The following STUM variants were observed in gnomAD, a reference collection of about 807,000 sequenced individuals.
The protein encoded by STUM is protein stum homolog.
In STUM, 8 loss-of-function variants were observed where a neutral mutation model predicts 15.3. The ratio of observed to expected loss-of-function variants is 0.52; its 90% CI spans 0.31 to 0.94. The LOEUF (loss-of-function observed/expected upper bound fraction) is 0.94, where lower values mean the gene tolerates loss of function less well. Ranked by LOEUF, STUM falls within the 40% of genes least tolerant of loss-of-function variation. The probability of loss-of-function intolerance (pLI) is 0.05; values close to 1 mark genes in which losing one functional copy is unlikely to be tolerated. For synonymous variants in STUM, 78 were observed against 88.7 expected, an observed-to-expected ratio of 0.88 and a Z score of 0.68; for missense variants, 142 against 204.9, an observed-to-expected ratio of 0.69 and a Z score of 1.87.
At chr1:226,562,059 TG>T (rs34975134) in intron 1 of STUM, among the ~76,000 whole-genome samples, 22,536 of 150,026 alleles carry the variant, frequency 0.15, 2,073 homozygotes, top group African/African-American at 0.26. Flanking sequence ...AGCTTTCTTT[TG>T]GGGGTGATGA....
At chr1:226,584,059 T>C (rs113846549) in intron 1 of STUM, among the ~76,000 whole-genome samples, 74 of 152,226 alleles carry the variant, frequency 4.9e-4, no homozygotes, top group African/African-American at 1.2e-3. Context: ...GGGATTTAGA[T>C]AGGACACATT....
rs1029104717 is a variant in STUM, at chr1:226,608,830, C to G, written c.*6790C>G. On this transcript the variant is annotated 3_prime_UTR_variant, in exon 4 of 4. Coordinates refer to ENST00000366788, the MANE Select transcript of STUM (RefSeq NM_001003665.4). This position sits in a 1 kb window ranked among gnomAD's most constrained non-coding sequence, Gnocchi z 4.0. Reference sequence around the variant, plus strand: ...GCCTGGGGCCCCAGCCCGCCTGCAGCTCAGCTTTCCCCAACACCCTCAGGA... The same window carrying G: ...GCCTGGGGCCCCAGCCCGCCTGCAGGTCAGCTTTCCCCAACACCCTCAGGA... The G allele has an allele frequency of 6.6e-6, 1 of 152,394 alleles. No individual in the cohort carries two copies. The highest frequency in any genetic ancestry group is 1.5e-5 in the Non-Finnish European group (1 of 68,180). 9.4% of individuals were successfully genotyped at this position (152,394 alleles called of 1,614,324 possible).
chr1:226,562,753 G>A (rs1249416203), intron 1 of STUM, among the ~76,000 whole-genome samples: 2 of 152,158 alleles, frequency 1.3e-5, no homozygotes, highest in Non-Finnish European at 2.9e-5. Flanking sequence ...ACACATGACA[G>A]CTGTATACAA....
chr1:226,561,987 G>A (rs1667548859), intron 1 of STUM, among the ~76,000 whole-genome samples: 1 of 149,104 alleles, frequency 6.7e-6, no homozygotes, highest in Non-Finnish European at 1.5e-5. Flanking sequence ...AATCTGTAGA[G>A]ACAGTATGTC....
chr1:226,597,388 C>T (rs2102712261), intron 2 of STUM: 1 of 475,248 alleles, frequency 2.1e-6, no homozygotes, highest in East Asian at 6.9e-5. Context: ...ATACCACCAT[C>T]CACGTTCCCT....
At chr1:226,592,775 T>C (rs2102709023) in intron 1 of STUM, among the ~76,000 whole-genome samples, 1 of 152,330 alleles carries the variant, frequency 6.6e-6, no homozygotes, top group South Asian at 2.1e-4. Context: ...TTCCTAATAG[T>C]CCCTAAGTCC....
At chr1:226,574,402 C>G (rs1376455512) in intron 1 of STUM, among the ~76,000 whole-genome samples, 1 of 152,228 alleles carries the variant, frequency 6.6e-6, no homozygotes, top group Non-Finnish European at 1.5e-5. Context: ...CACGTTGTTG[C>G]AAATGACAGT....
chr1:226,551,456 G>A (rs1322570485), intron 1 of STUM, among the ~76,000 whole-genome samples: 1 of 152,226 alleles, frequency 6.6e-6, no homozygotes, highest in Non-Finnish European at 1.5e-5. Flanking sequence ...AGGCAACAAA[G>A]CAGCTCAGAC....
intron 1 of STUM, among the ~76,000 whole-genome samples, chr1:226,580,265 A>G (rs1314923059): frequency 1.3e-5 from 2 of 152,190 alleles, no homozygotes; most frequent in East Asian, 1.9e-4. Context: ...GTGCAGGGAC[A>G]GGTCAGGAAT....
rs1466569854 is a variant in STUM, at chr1:226,549,565, C to A, written c.202+459C>A. On this transcript the variant is annotated intron_variant, in intron 1 of 3. Transcript: ENST00000366788. This position sits in a 1 kb window ranked among gnomAD's most constrained non-coding sequence, Gnocchi z 6.8. ...CTCCCGGGCGTCGAAGTCAGCTGAG[C>A]CGGGGAAAGAGGACGAGCCGGGCTA... Among the ~76,000 whole-genome samples, 1 of 152,158 alleles carries A rather than the reference C, an allele frequency of 6.6e-6. No homozygotes were observed. Among genetic ancestry groups the A allele is most frequent in the Non-Finnish European group, 1.5e-5 (1 of 68,028 alleles).
At chr1:226,592,150 C>T (rs190045824) in intron 1 of STUM, among the ~76,000 whole-genome samples, 9 of 152,292 alleles carry the variant, frequency 5.9e-5, no homozygotes, top group East Asian at 3.9e-4. Context: ...CGGCTTCAAA[C>T]GATTCTTCTG....
At chr1:226,579,013 G>A (rs971616640) in intron 1 of STUM, among the ~76,000 whole-genome samples, 2 of 152,204 alleles carry the variant, frequency 1.3e-5, no homozygotes, top group African/African-American at 4.8e-5. Flanking sequence ...TCCTTTTCCA[G>A]TGGGGCCCAT....
rs183080541 is a variant in STUM at position 226,591,128 on chromosome 1, A to C, written c.203-5674A>C. The stretch of plus-strand genomic sequence containing the variant: ...ACAATTAACACCTCTTCGTAGGAAA[A>C]TGTGCTAAAACCATTTTTTAAATTT... On this transcript the variant is annotated intron_variant, in intron 1 of 3. Transcript: ENST00000366788. 4.9e-3 allele frequency among the ~76,000 whole-genome samples: 754 copies of C among 152,360 alleles called. 5 individuals are homozygous for C. Among genetic ancestry groups the C allele is most frequent in the Middle Eastern group, 0.01 (3 of 294 alleles).
Position 226,565,734 on chromosome 1 carries a change from G to A in STUM, c.202+16628G>A, listed in dbSNP as rs540951125. On this transcript the variant is annotated intron_variant, in intron 1 of 3. Transcript: ENST00000366788. The surrounding 1 kb of genome is among the most constrained non-coding windows in gnomAD (Gnocchi z 4.4). ...CCCCATCCTCCCGTCTCTCGCCCAC[G>A]CTTGGCTCAGAGATCTCTGGGCTGC... Among the ~76,000 whole-genome samples, 1 of 152,248 alleles carries A rather than the reference G, an allele frequency of 6.6e-6. No individual in the cohort carries two copies. The highest frequency in any genetic ancestry group is 2.1e-4 in the South Asian group (1 of 4,818).
chr1:226,592,240 G>C (rs891534526), intron 1 of STUM, among the ~76,000 whole-genome samples: 1 of 152,160 alleles, frequency 6.6e-6, no homozygotes, highest in Non-Finnish European at 1.5e-5. Context: ...TAGAGACAGG[G>C]TTTCATCATG....
At position 226,552,958 on chromosome 1, in the gene STUM, C is replaced by G. The variant is rs1667393683; in HGVS notation, c.202+3852C>G. On this transcript the variant is annotated intron_variant, in intron 1 of 3. Transcript: ENST00000366788. This position sits in a 1 kb window ranked among gnomAD's most constrained non-coding sequence, Gnocchi z 4.7. ...AATACATATAGACTAGAATTATACT[C>G]CTGGAATAGGCATTAGAGATCATCT... Among the ~76,000 whole-genome samples, 1 of 152,164 alleles carries G rather than the reference C, an allele frequency of 6.6e-6. No homozygotes were observed. The highest frequency in any genetic ancestry group is 2.4e-5 in the African/African-American group (1 of 41,436).
Position 226,581,559 on chromosome 1 carries a change from T to G in STUM, c.203-15243T>G, listed in dbSNP as rs1667919130. Among the ~76,000 whole-genome samples, 2 of 152,308 alleles carry G rather than the reference T, an allele frequency of 1.3e-5. 1 individual carries two copies. Among genetic ancestry groups the G allele is most frequent in the South Asian group, 4.1e-4 (2 of 4,822 alleles). On this transcript the variant is annotated intron_variant, in intron 1 of 3. Coordinates refer to ENST00000366788, the MANE Select transcript of STUM (RefSeq NM_001003665.4). ...GTATGAGCTTAGCTCTCTCTTCCTC[T>G]TGTTTATTTATTTATTTATTTATTT...
intron 1 of STUM, among the ~76,000 whole-genome samples, chr1:226,574,315 C>T (rs1281772276): frequency 6.6e-6 from 1 of 152,160 alleles, no homozygotes; most frequent in African/African-American, 2.4e-5. Context: ...TTTTAGATTC[C>T]ACGTATAAGT....
At position 226,577,439 on chromosome 1, in the gene STUM, G is replaced by T. The variant is rs1331107875; in HGVS notation, c.203-19363G>T. 2.0e-5 allele frequency among the ~76,000 whole-genome samples: 3 copies of T among 152,226 alleles called. 1 individual carries two copies. The highest frequency in any genetic ancestry group is 4.2e-4 in the South Asian group (2 of 4,816). ...AATGAAGCCTCGGGAAGTCTCCAGG[G>T]CTGTGGGAGGCTATCTGCTGTCTCA... On this transcript the variant is annotated intron_variant, in intron 1 of 3. Transcript: ENST00000366788.
Sources: gnomAD v4.1 joint callset for allele counts (sites outside exome capture counted in the v4.1 genomes callset) on GRCh38, gnomAD v4.1.1 for gene constraint, Gnocchi (gnomAD v3.1) non-coding constraint, MANE v1.5 for transcripts, NCBI Gene and HGNC (gene_info 2026-07-23, HGNC 2026-07-21) for gene names.